Variants in BCAS3 observed in about 807,000 individuals in gnomAD.
The protein encoded by BCAS3 is BCAS3 microtubule associated cell migration factor.
Under a neutral mutation model 116.1 loss-of-function variants are expected in BCAS3, and 53 were observed. The observed-to-expected ratio is 0.46, with a 90% CI of 0.37 to 0.57. The LOEUF (loss-of-function observed/expected upper bound fraction) is 0.57, where lower values mean the gene tolerates loss of function less well. Among genes scored for constraint, BCAS3 ranks in the 20% least tolerant of loss-of-function variants. The probability of loss-of-function intolerance (pLI) is 0.00; values close to 1 mark genes in which losing one functional copy is unlikely to be tolerated. For synonymous variants in BCAS3, 391 were observed against 408.2 expected (o/e 0.96, Z 0.51); for missense variants, 917 against 1,165.4 (o/e 0.79, Z 3.10).
chr17:60,694,777 C>T (rs2035358789), intron 4 of BCAS3, among the ~76,000 whole-genome samples: 1 of 151,734 alleles, frequency 6.6e-6, no homozygotes, highest in Non-Finnish European at 1.5e-5. Flanking sequence ...TGGCCATCAT[C>T]ATTTTAAAGT....
At chr17:61,303,346 G>A (rs1254842049) in intron 22 of BCAS3, among the ~76,000 whole-genome samples, 2 of 152,210 alleles carry the variant, frequency 1.3e-5, no homozygotes, top group African/African-American at 4.8e-5. Flanking sequence ...TGGGGATACA[G>A]CAGCGGCCTG....
In BCAS3 at chr17:61,004,172, AGAAATTCTGGT is replaced by A. The variant is rs1225296052; in HGVS notation, c.1487-11578_1487-11568del. On this transcript the variant is annotated intron_variant, in intron 15 of 23. Coordinates refer to ENST00000407086, the MANE Select transcript of BCAS3 (RefSeq NM_017679.5). The surrounding 1 kb of genome is among the most constrained non-coding windows in gnomAD (Gnocchi z 4.8). The stretch of plus-strand genomic sequence containing the variant: ...CCCTAGTTAGGAGGACAGTTAAGTA[AGAAATTCTGGT>A]CTGGTTCCACTGAAATAAAAATATT... Among the ~76,000 whole-genome samples, 2 of 152,172 alleles carry A rather than the reference AGAAATTCTGGT, an allele frequency of 1.3e-5. No individual in the cohort carries two copies. Among genetic ancestry groups the A allele is most frequent in the Non-Finnish European group, 2.9e-5 (2 of 68,020 alleles).
intron 22 of BCAS3, among the ~76,000 whole-genome samples, chr17:61,137,547 T>C (rs567220403): frequency 6.6e-6 from 1 of 152,192 alleles, no homozygotes; most frequent in South Asian, 2.1e-4. Flanking sequence ...GGTGGGCGGA[T>C]CACCTGAGGT....
Position 61,346,358 on chromosome 17 carries a change from A to T in BCAS3, c.2426-21969A>T, listed in dbSNP as rs2143290409. Among the ~76,000 whole-genome samples the T allele has an allele frequency of 6.6e-6, 1 of 152,324 alleles. No individual in the cohort carries two copies. The highest frequency in any genetic ancestry group is 1.9e-4 in the East Asian group (1 of 5,184). On this transcript the variant is annotated intron_variant, in intron 22 of 23. Transcript: ENST00000407086. This position sits in a 1 kb window ranked among gnomAD's most constrained non-coding sequence, Gnocchi z 5.4. ...GAGAAAACTTTTTTAAATGCCTGAAAGGAATGTTATATGAGATGTCTAAAG... is the reference window on the plus strand; with the variant it reads ...GAGAAAACTTTTTTAAATGCCTGAATGGAATGTTATATGAGATGTCTAAAG...
At chr17:60,752,659 G>A (rs2042591591) in intron 6 of BCAS3, among the ~76,000 whole-genome samples, 1 of 151,968 alleles carries the variant, frequency 6.6e-6, no homozygotes, top group South Asian at 2.1e-4. Context: ...TCCTGACTGC[G>A]TGATCCGCCT....
chr17:61,218,820 T>C (rs903274267), intron 22 of BCAS3, among the ~76,000 whole-genome samples: 1 of 152,210 alleles, frequency 6.6e-6, no homozygotes, highest in Non-Finnish European at 1.5e-5. Context: ...AGTTTAATTA[T>C]CATTGCCGCT....
At chr17:60,977,891 C>T (rs1406354425) in intron 14 of BCAS3, among the ~76,000 whole-genome samples, 1 of 144,296 alleles carries the variant, frequency 6.9e-6, no homozygotes. Context: ...TTTCTTAATC[C>T]AGTCTATCAT....
rs1033723450 is a variant in BCAS3 at position 60,796,776 on chromosome 17, T to C, written c.404-11228T>C. ...GGTTTGGGTTTGGTTTGTTCTTGTT[T>C]CTCTAGTTCCTTGAGGTGTGACCTT... On this transcript the variant is annotated intron_variant, in intron 6 of 23. Transcript: ENST00000407086. Among the ~76,000 whole-genome samples the C allele has an allele frequency of 1.9e-4, 29 of 152,192 alleles. 1 individual carries two copies.
intron 9 of BCAS3, among the ~76,000 whole-genome samples, chr17:60,879,179 A>AT (rs2055887719): frequency 1.3e-5 from 2 of 152,182 alleles, no homozygotes; most frequent in South Asian, 4.1e-4. Flanking sequence ...TTCTACATTT[A>AT]TTGGTACCTA....
chr17:61,067,740 A>ATATATATATAT (rs1555697138), intron 19 of BCAS3, among the ~76,000 whole-genome samples: 1 of 133,742 alleles, frequency 7.5e-6, no homozygotes, highest in African/African-American at 3.3e-5. Flanking sequence ...AAAAAAAAAA[A>ATATATATATAT]ATATATATAT....
At chr17:61,225,800 C>A (rs928108419) in intron 22 of BCAS3, among the ~76,000 whole-genome samples, 1 of 152,056 alleles carries the variant, frequency 6.6e-6, no homozygotes, top group Non-Finnish European at 1.5e-5. Context: ...TCTCCCAGCT[C>A]CTTTTTCTAC....
chr17:60,720,692 T>G (rs897617492), intron 5 of BCAS3, among the ~76,000 whole-genome samples: 2 of 152,122 alleles, frequency 1.3e-5, no homozygotes, highest in African/African-American at 4.8e-5. Flanking sequence ...GTATTAGGTA[T>G]TGTAAGTAAT....
intron 5 of BCAS3, among the ~76,000 whole-genome samples, chr17:60,728,812 T>A (rs1568117542): frequency 6.6e-6 from 1 of 152,162 alleles, no homozygotes; most frequent in African/African-American, 2.4e-5. Context: ...ATATACATAC[T>A]CTGAAATGCA....
intron 19 of BCAS3, among the ~76,000 whole-genome samples, chr17:61,042,891 C>CAAAAAAAAAAAAAAAAAAAAAAAAA (rs35629825): frequency 1.7e-5 from 1 of 58,318 alleles, no homozygotes; most frequent in African/African-American, 5.5e-5. Flanking sequence ...CTCCATCTCA[C>CAAAAAAAAAAAAAAAAAAAAAAAAA]AAAAAAAAAA....
intron 6 of BCAS3, among the ~76,000 whole-genome samples, chr17:60,798,134 A>G (rs1443982330): frequency 6.6e-6 from 1 of 152,208 alleles, no homozygotes; most frequent in Non-Finnish European, 1.5e-5. Context: ...ATAGTGGTAC[A>G]TTTGTTACAA....
chr17:61,295,320 G>A (rs1336356843), intron 22 of BCAS3, among the ~76,000 whole-genome samples: 3 of 152,208 alleles, frequency 2.0e-5, no homozygotes, highest in African/African-American at 7.2e-5. Context: ...TAAGGAGCAG[G>A]TGATACGCAA....
chr17:61,041,902 A>G lies in BCAS3; in HGVS notation c.2029+1010A>G, dbSNP rs1266994189. 6.6e-6 allele frequency among the ~76,000 whole-genome samples: 1 copy of G among 151,974 alleles called. No homozygotes were observed. Among genetic ancestry groups the G allele is most frequent in the East Asian group, 1.9e-4 (1 of 5,204 alleles). The stretch of plus-strand genomic sequence containing the variant: ...ACTATGTGTGAGGCAGTTCTGATTT[A>G]AAGGTGATTAGTATATTGCTTCTCT... On this transcript the variant is annotated intron_variant, in intron 19 of 23. Transcript: ENST00000407086. The surrounding 1 kb of genome is among the most constrained non-coding windows in gnomAD (Gnocchi z 4.7).
At position 60,993,366 on chromosome 17, in the gene BCAS3, A is replaced by G. The variant is rs1229741704; in HGVS notation, c.1486+3131A>G. Among the ~76,000 whole-genome samples the G allele has an allele frequency of 6.6e-6, 1 of 152,154 alleles. No individual in the cohort carries two copies. The highest frequency in any genetic ancestry group is 1.9e-4 in the East Asian group (1 of 5,198). ...CTTTATTGCTTTCATGTCTCTCTGC[A>G]TGTTTTTTTCAGAAATCTCAAAGAG... On this transcript the variant is annotated intron_variant, in intron 15 of 23. Transcript: ENST00000407086. This position sits in a 1 kb window ranked among gnomAD's most constrained non-coding sequence, Gnocchi z 4.2.
Position 61,141,098 on chromosome 17 carries a change from A to G in BCAS3, c.2425+56534A>G, listed in dbSNP as rs1384922927. Among the ~76,000 whole-genome samples the G allele has an allele frequency of 1.3e-5, 2 of 152,150 alleles. No homozygotes were observed. The highest frequency in any genetic ancestry group is 2.9e-5 in the Non-Finnish European group (2 of 68,024). On this transcript the variant is annotated intron_variant, in intron 22 of 23. Transcript: ENST00000407086. This position sits in a 1 kb window ranked among gnomAD's most constrained non-coding sequence, Gnocchi z 4.3. ...GCTGGTTCATTTCAACACAGTAATG[A>G]GTATTCATCCTCTGTTGCCCTAAGA...
Sources: gnomAD v4.1 joint callset for allele counts (sites outside exome capture counted in the v4.1 genomes callset) on GRCh38, gnomAD v4.1.1 for gene constraint, Gnocchi (gnomAD v3.1) non-coding constraint, MANE v1.5 for transcripts, NCBI Gene and HGNC (gene_info 2026-07-23, HGNC 2026-07-21) for gene names.